Variants in DOCK10 observed in about 807,000 individuals in gnomAD.
The protein encoded by DOCK10 is dedicator of cytokinesis protein 10.
Under a neutral mutation model 280.1 loss-of-function variants are expected in DOCK10, and 145 were observed. The observed-to-expected ratio is 0.52, with a 90% CI of 0.45 to 0.59. The LOEUF (loss-of-function observed/expected upper bound fraction) is 0.59, where lower values mean the gene tolerates loss of function less well. Among genes scored for constraint, DOCK10 ranks in the 20% least tolerant of loss-of-function variants. The pLI, the probability that DOCK10 is intolerant of heterozygous loss-of-function variation, is 0.00. For synonymous variants in DOCK10, 915 were observed against 942.2 expected, an observed-to-expected ratio of 0.97 and a Z score of 0.53; for missense variants, 2,368 against 2,651.7, an observed-to-expected ratio of 0.89 and a Z score of 2.35.
At chr2:224,956,611 G>A (rs1206086919) in intron 1 of DOCK10, among the ~76,000 whole-genome samples, 4 of 134,822 alleles carry the variant, frequency 3.0e-5, no homozygotes, top group African/African-American at 5.6e-5. Context: ...GCAACAGGGC[G>A]AGACGCTACC....
chr2:224,924,079 A>G (rs975501200), intron 2 of DOCK10, among the ~76,000 whole-genome samples: 5 of 152,136 alleles, frequency 3.3e-5, no homozygotes, highest in African/African-American at 1.2e-4. Context: ...ATTCCTTTTA[A>G]AGAATAAAGT....
chr2:224,949,631 C>T (rs912462707), intron 1 of DOCK10, among the ~76,000 whole-genome samples: 7 of 152,220 alleles, frequency 4.6e-5, no homozygotes, highest in Admixed American at 1.3e-4. Flanking sequence ...GGAAATGTAG[C>T]AGAGGGGAGG....
At chr2:224,997,294 T>C (rs1706301872) in intron 1 of DOCK10, among the ~76,000 whole-genome samples, 2 of 148,584 alleles carry the variant, frequency 1.3e-5, no homozygotes, top group Non-Finnish European at 3.0e-5. Flanking sequence ...TGCAATGGCA[T>C]AATCTTTGCT....
rs140780390 is a variant in DOCK10 at position 224,965,684 on chromosome 2, T to C, written c.124-34016A>G. Among the ~76,000 whole-genome samples the C allele has an allele frequency of 7.3e-3, 1,113 of 152,316 alleles. 14 individuals are homozygous for C. The highest frequency in any genetic ancestry group is 0.026 in the African/African-American group (1,062 of 41,566). ...AGAGCTTAGTGTCAGAACTTGAAAATAGCAGGTGCTCCATAATTATTAAGA... is the reference window on the plus strand; with the variant it reads ...AGAGCTTAGTGTCAGAACTTGAAAACAGCAGGTGCTCCATAATTATTAAGA... On this transcript the variant is annotated intron_variant, in intron 1 of 55. Transcript: ENST00000258390.
chr2:224,916,674 C>T (rs1235715963), intron 3 of DOCK10, 21 bp downstream of exon 3: 7 of 1,562,944 alleles, frequency 4.5e-6, no homozygotes, highest in South Asian at 1.2e-5. Context: ...TAAAATAAAG[C>T]ATTGGAAGCA....
At chr2:224,964,767 C>T (rs1266565172) in intron 1 of DOCK10, among the ~76,000 whole-genome samples, 1 of 152,182 alleles carries the variant, frequency 6.6e-6, no homozygotes, top group Non-Finnish European at 1.5e-5. Context: ...CTCAAAAATG[C>T]AGATCTCCTT....
intron 1 of DOCK10, among the ~76,000 whole-genome samples, chr2:225,007,716 C>G (rs888936188): frequency 9.9e-5 from 15 of 151,910 alleles, no homozygotes; most frequent in Non-Finnish European, 1.9e-4. Context: ...TTCTTGGAGA[C>G]AGATTAGGAA....
At chr2:224,897,089 G>A (rs1363885969) in intron 3 of DOCK10, among the ~76,000 whole-genome samples, 1 of 152,108 alleles carries the variant, frequency 6.6e-6, no homozygotes, top group Non-Finnish European at 1.5e-5. Flanking sequence ...TTATATAAGA[G>A]CCTTTTGTCA....
Position 224,931,627 on chromosome 2 carries a change from A to G in DOCK10, c.165T>C (p.Thr55=). Residue 55 remains threonine, a synonymous_variant, in exon 2 of 56, where the codon ACT becomes ACC. Coordinates refer to ENST00000258390, the MANE Select transcript of DOCK10 (RefSeq NM_014689.3). ...AGGTCTTTTCAAGTTCTTCAATGAC[A>G]GTCTCATAATCCAAAGGCTCGAGAA... ...PRLLEPLDYE[T]VIEELEKTYR... 1 of 1,611,350 alleles carries G rather than the reference A, an allele frequency of 6.2e-7. No homozygotes were observed.
rs1200076184 is a variant in DOCK10, at chr2:224,816,184, G to GGTA, written c.3364+430_3364+432dup. 7.4e-5 allele frequency among the ~76,000 whole-genome samples: 11 copies of GGTA among 149,246 alleles called. No individual in the cohort carries two copies. The East Asian group carries it at 2.2e-3, about 29-fold the overall frequency. On this transcript the variant is annotated intron_variant, in intron 30 of 55. Transcript: ENST00000258390. ...TTGATTAGTTTTTGATGTCTACATGGGTAATACTCTCTACCATAATACATA... is the reference window on the plus strand; with the variant it reads ...TTGATTAGTTTTTGATGTCTACATGGGTAGTAATACTCTCTACCATAATACATA...
intron 1 of DOCK10, among the ~76,000 whole-genome samples, chr2:225,011,929 A>G (rs1205649328): frequency 2.0e-5 from 3 of 152,208 alleles, no homozygotes; most frequent in Non-Finnish European, 4.4e-5. Flanking sequence ...CACATACGCA[A>G]CTGAATTAAA....
intron 11 of DOCK10, among the ~76,000 whole-genome samples, chr2:224,871,710 C>T (rs1383539406): frequency 6.6e-6 from 1 of 152,138 alleles, no homozygotes; most frequent in Non-Finnish European, 1.5e-5. Flanking sequence ...CTAGAATGTT[C>T]TCCCCTGACC....
At chr2:224,949,212 T>A (rs989994397) in intron 1 of DOCK10, among the ~76,000 whole-genome samples, 3 of 152,194 alleles carry the variant, frequency 2.0e-5, no homozygotes, top group African/African-American at 4.8e-5. Flanking sequence ...TCTCAACCAT[T>A]CTATGAGACA....
intron 1 of DOCK10, among the ~76,000 whole-genome samples, chr2:225,000,620 A>G (rs1296695462): frequency 6.6e-6 from 1 of 152,198 alleles, no homozygotes; most frequent in African/African-American, 2.4e-5. Context: ...TAGTGACTCT[A>G]CGAGCCAGCC....
At chr2:225,022,387 A>G (rs1228262825) in intron 1 of DOCK10, among the ~76,000 whole-genome samples, 2 of 152,154 alleles carry the variant, frequency 1.3e-5, no homozygotes, top group Non-Finnish European at 2.9e-5. Flanking sequence ...CCTTTCACCT[A>G]TTCCCTGAAG....
In DOCK10 at chr2:224,807,674, A is replaced by AGATGTATT. The variant is rs1465391300; in HGVS notation, c.3688_3695dup (p.Asn1233IlefsTer11). 1 of 1,540,678 alleles carries AGATGTATT rather than the reference A, an allele frequency of 6.5e-7. No individual in the cohort carries two copies. Among genetic ancestry groups the AGATGTATT allele is most frequent in the South Asian group, 1.2e-5 (1 of 84,270 alleles). ...ACATATTGTGCAAACGTACCTGATT[A>AGATGTATT]GATGTATTGACAGTAAAAGGATACA... On this transcript the variant is annotated frameshift_variant, in exon 33 of 56. Transcript: ENST00000258390. LOFTEE classifies it high-confidence loss of function.
chr2:224,796,053 A>G (rs1464989473), intron 44 of DOCK10, among the ~76,000 whole-genome samples: 1 of 150,368 alleles, frequency 6.7e-6, no homozygotes, highest in East Asian at 2.0e-4. Flanking sequence ...AACAATTATT[A>G]TTATTATTAT....
intron 1 of DOCK10, among the ~76,000 whole-genome samples, chr2:225,014,429 T>C (rs1689536436): frequency 6.6e-6 from 1 of 152,076 alleles, no homozygotes; most frequent in African/African-American, 2.4e-5. Context: ...TATAATATAC[T>C]AAGATATGAT....
At chr2:224,972,296 G>A (rs1427361330) in intron 1 of DOCK10, among the ~76,000 whole-genome samples, 2 of 152,210 alleles carry the variant, frequency 1.3e-5, no homozygotes, top group Non-Finnish European at 2.9e-5. Flanking sequence ...CTCATAAAGT[G>A]TATGAAAGCA....
Sources: allele counts gnomAD v4.1 joint callset (sites outside exome capture counted in the v4.1 genomes callset), GRCh38; gene constraint gnomAD v4.1.1; transcripts MANE v1.5; gene names NCBI Gene and HGNC (gene_info 2026-07-23, HGNC 2026-07-21).